UEVLD: variants seen among roughly 807,000 people sequenced by gnomAD.
UEVLD encodes the protein ubiquitin-conjugating enzyme E2 variant 3.
A neutral mutation model predicts 58.6 loss-of-function variants in UEVLD; 47 were observed. The observed-to-expected ratio is 0.80, with a 90% CI of 0.63 to 1.02. The LOEUF (loss-of-function observed/expected upper bound fraction) is 1.02. Among genes scored for constraint, UEVLD ranks in the 50% least tolerant of loss-of-function variants. UEVLD has a pLI of 0.00. For missense variants in UEVLD, 510 were observed against 550.6 expected (o/e 0.93, Z 0.74); for synonymous variants, 197 against 195.3 (o/e 1.01, Z -0.07).
At chr11:18,541,483 C>A (rs1350276736) in intron 9 of UEVLD, among the ~76,000 whole-genome samples, 1 of 152,188 alleles carries the variant, frequency 6.6e-6, no homozygotes, top group East Asian at 1.9e-4. Context: ...CTTTTCACTG[C>A]ATATCTTTTT....
chr11:18,560,132 CACACACAGAGAG>C lies in UEVLD; in HGVS notation c.613-1814_613-1803del, dbSNP rs1404996643. Reference sequence around the variant, plus strand: ...ACACACACACACACACACACACACACACACACAGAGAGAGAAAGAAAATAACCCTGCTACACT... The same window carrying C: ...ACACACACACACACACACACACACACAGAAAGAAAATAACCCTGCTACACT... On this transcript the variant is annotated intron_variant, in intron 6 of 11. Transcript: ENST00000396197. Among the ~76,000 whole-genome samples the C allele has an allele frequency of 9.2e-5, 8 of 86,950 alleles. No homozygotes were observed. The East Asian group carries it at 3.3e-3, about 36-fold the overall frequency. 57.0% of individuals were successfully genotyped at this position (86,950 alleles called of 152,430 possible).
At chr11:18,578,990 C>T (rs1853089762) in intron 1 of UEVLD, among the ~76,000 whole-genome samples, 182 bp from the exon 2 acceptor site, 1 of 152,064 alleles carries the variant, frequency 6.6e-6, no homozygotes, top group African/African-American at 2.4e-5. Flanking sequence ...GCCTCAGCCT[C>T]CTGAGTTGCT....
intron 3 of UEVLD, chr11:18,570,588 A>T: frequency 3.3e-6 from 1 of 303,346 alleles, no homozygotes. Context: ...TCTACAAAAA[A>T]TTTTAAAATT....
chr11:18,581,823 T>A (rs1480901502), intron 1 of UEVLD, among the ~76,000 whole-genome samples: 1 of 152,202 alleles, frequency 6.6e-6, no homozygotes, highest in African/African-American at 2.4e-5. Context: ...CAGTACTTAG[T>A]ACAGGGTATG....
intron 6 of UEVLD, chr11:18,563,757 C>A (rs1261691238): frequency 5.1e-5 from 48 of 944,186 alleles, no homozygotes; most frequent in Non-Finnish European, 5.8e-5. Flanking sequence ...GTAATCCCAG[C>A]ACTTTGGGAG....
intron 1 of UEVLD, among the ~76,000 whole-genome samples, chr11:18,585,895 G>A (rs1256460356): frequency 3.9e-5 from 6 of 152,102 alleles, no homozygotes; most frequent in East Asian, 3.9e-4. Context: ...TCGGCCTCCC[G>A]AAGTGCTGGG....
intron 11 of UEVLD, among the ~76,000 whole-genome samples, chr11:18,534,121 G>A (rs1850690611): frequency 6.6e-6 from 1 of 152,180 alleles, no homozygotes; most frequent in Non-Finnish European, 1.5e-5. Context: ...TTTTTGTAAA[G>A]TTGGGGTCTC....
Position 18,570,363 on chromosome 11 carries a change from T to A in UEVLD, c.208A>T (p.Ile70Leu). The A allele has an allele frequency of 6.4e-7, 1 of 1,558,204 alleles. No homozygotes were observed. Among genetic ancestry groups the A allele is most frequent in the Non-Finnish European group, 8.6e-7 (1 of 1,160,814 alleles). The change falls in exon 4 of 12, where the codon ATA becomes TTA. Residue 70 changes from isoleucine (I) to leucine (L), a missense_variant. Ile to Leu is a conservative substitution (Grantham distance 5, BLOSUM62 2). Transcript: ENST00000396197. ...PVMYQGNTYNIPIRFWILDSH... is the reference protein window; with the variant it reads ...PVMYQGNTYNLPIRFWILDSH... ...TCCAAAATCCAGAAACGAATTGGTA[T>A]GTTATATGTATTACCTATTTGAGAC...
At chr11:18,544,993 CAT>C (rs557645261) in intron 8 of UEVLD, among the ~76,000 whole-genome samples, 197 bp from the exon 9 acceptor site, 3 of 103,684 alleles carry the variant, frequency 2.9e-5, no homozygotes, top group Non-Finnish European at 4.1e-5. Flanking sequence ...TACATACACA[CAT>C]ATATATACAC....
intron 7 of UEVLD, among the ~76,000 whole-genome samples, chr11:18,554,746 CA>C (rs1245961409): frequency 6.6e-6 from 1 of 152,026 alleles, no homozygotes; most frequent in Non-Finnish European, 1.5e-5. Context: ...TATACACAAG[CA>C]TAAGTGTGTA....
rs1853732085 is a variant in UEVLD, at chr11:18,588,709, G to C, written c.-55C>G. ...GACTCCAGCCCCCGGACCTTCTTCC[G>C]GACTTGCTGCAGGACGGAAGCCGCT... On this transcript the variant is annotated 5_prime_UTR_variant, in exon 1 of 12. Transcript: ENST00000396197. The C allele has an allele frequency of 2.7e-5, 43 of 1,585,358 alleles. No homozygotes were observed. Among genetic ancestry groups the C allele is most frequent in the Non-Finnish European group, 3.7e-5 (43 of 1,170,874 alleles).
chr11:18,544,382 C>T (rs1279900736), intron 9 of UEVLD, among the ~76,000 whole-genome samples: 2 of 152,204 alleles, frequency 1.3e-5, no homozygotes, highest in Non-Finnish European at 2.9e-5. Flanking sequence ...GATCATGGCT[C>T]ACTGCAGCCT....
intron 2 of UEVLD, 32 bp from the exon 3 acceptor site, chr11:18,575,444 G>A: frequency 6.3e-7 from 1 of 1,574,838 alleles, no homozygotes. Context: ...CCCAAAATGT[G>A]CAATCAGAAA....
At chr11:18,586,367 A>C (rs563419914) in intron 1 of UEVLD, among the ~76,000 whole-genome samples, 4 of 152,108 alleles carry the variant, frequency 2.6e-5, no homozygotes, top group African/African-American at 9.6e-5. Context: ...GGAGCGGGCC[A>C]CCACGCCTGG....
intron 3 of UEVLD, among the ~76,000 whole-genome samples, chr11:18,574,783 T>C (rs530226481): frequency 1.4e-4 from 22 of 152,230 alleles, no homozygotes; most frequent in Non-Finnish European, 3.2e-4. Flanking sequence ...ACACTAGCTA[T>C]GTGATCTTAG....
chr11:18,557,809 ACTGAAGTTTGAGAGATTATATAAT>A (rs1260937568), intron 7 of UEVLD, among the ~76,000 whole-genome samples: 1 of 152,132 alleles, frequency 6.6e-6, no homozygotes, highest in Admixed American at 6.6e-5. Flanking sequence ...AGATGAAAAA[ACTGAAGTTTGAGAGATTATATAAT>A]CTGACAAATG....
At chr11:18,563,554 G>T in intron 6 of UEVLD, 1 of 533,936 alleles carries the variant, frequency 1.9e-6, no homozygotes, top group Non-Finnish European at 2.4e-6. Context: ...TTGCACCACT[G>T]CATTCCAGCC....
intron 7 of UEVLD, among the ~76,000 whole-genome samples, chr11:18,556,429 A>G (rs1474058801): frequency 6.6e-6 from 1 of 152,214 alleles, no homozygotes; most frequent in Non-Finnish European, 1.5e-5. Flanking sequence ...TTTTACACCT[A>G]ACTTTTACAA....
chr11:18,558,302 T>C lies in UEVLD; in HGVS notation c.641A>G (p.Asp214Gly). The C allele has an allele frequency of 6.2e-7, 1 of 1,612,920 alleles. No individual in the cohort carries two copies. Residue 214 changes from aspartate (D) to glycine (G), a missense_variant, in exon 7 of 12, where the codon GAC becomes GGC. Transcript: ENST00000396197. ...KGIADRLVLLDLSEGTKGATM... is the reference protein window; with the variant it reads ...KGIADRLVLLGLSEGTKGATM... ...GGCTCCTTTAGTCCCTTCTGAGAGG[T>C]CTAAGAGGACAAGCCTGTCTGCAAT... is the stretch of plus-strand genomic sequence containing the variant.
Sources: allele counts gnomAD v4.1 joint callset (sites outside exome capture counted in the v4.1 genomes callset), GRCh38; gene constraint gnomAD v4.1.1; transcripts MANE v1.5; gene names NCBI Gene and HGNC (gene_info 2026-07-23, HGNC 2026-07-21).